The following RBM43 variants were observed in gnomAD, a reference collection of about 807,000 sequenced individuals.
RBM43 encodes RNA-binding protein 43.
RBM43 carries 12 observed loss-of-function variants against 12.4 expected under a neutral mutation model. The observed-to-expected ratio is 0.97, with a 90% CI of 0.62 to 1.57. The LOEUF (loss-of-function observed/expected upper bound fraction) is 1.57. RBM43 is among the 40% of genes most tolerant of loss of function. RBM43 has a pLI of 0.00. For synonymous variants in RBM43, 138 were observed against 145.7 expected (o/e 0.95, Z 0.38); for missense variants, 348 against 400.1 (o/e 0.87, Z 1.11).
chr2:151,260,989 T>C, intron 1 of RBM43: 1 of 391,878 alleles, frequency 2.6e-6, no homozygotes. Context: ...ACTGCATTTG[T>C]TTATATTGAT....
chr2:151,260,238 ACCTCAGCCT>A (rs1485352762), intron 1 of RBM43, among the ~76,000 whole-genome samples: 8 of 150,046 alleles, frequency 5.3e-5, no homozygotes, highest in African/African-American at 2.0e-4. Flanking sequence ...TGATCCTCCC[ACCTCAGCCT>A]CCCCAGTAGC....
chr2:151,261,752 C>T lies in RBM43; in HGVS notation c.-25G>A. ...TGGCGGAGGGGAGACGCGCCCTCAGCGGCCGCAGAAAGCCCACAACCAGCG... is the reference window on the plus strand; with the variant it reads ...TGGCGGAGGGGAGACGCGCCCTCAGTGGCCGCAGAAAGCCCACAACCAGCG... On this transcript the variant is annotated 5_prime_UTR_variant, in exon 1 of 4. Transcript: ENST00000331426. 6.2e-7 allele frequency: 1 copy of T among 1,600,712 alleles called. No homozygotes were observed.
At chr2:151,258,245 A>T (rs1683000081) in intron 1 of RBM43, among the ~76,000 whole-genome samples, 1 of 152,112 alleles carries the variant, frequency 6.6e-6, no homozygotes, top group African/African-American at 2.4e-5. Context: ...TTGACAGGGT[A>T]TTGGTAAAAC....
At chr2:151,252,952 G>T in intron 2 of RBM43, 97 bp from the exon 3 acceptor site, 2 of 555,126 alleles carry the variant, frequency 3.6e-6, no homozygotes, top group Non-Finnish European at 3.1e-6. Flanking sequence ...GAATGTCTAA[G>T]ATTTTTTTCT....
intron 3 of RBM43, 42 bp from the exon 4 acceptor site, chr2:151,251,706 G>A (rs1682906585): frequency 2.0e-6 from 3 of 1,535,978 alleles, no homozygotes; most frequent in Non-Finnish European, 2.6e-6. Context: ...ACTGCCTAGT[G>A]GGAAAGACTA....
At chr2:151,257,313 C>CACAA (rs1682987329) in intron 1 of RBM43, among the ~76,000 whole-genome samples, 1 of 60,134 alleles carries the variant, frequency 1.7e-5, no homozygotes, top group Admixed American at 2.8e-4. Flanking sequence ...CGTGCACAAA[C>CACAA]ACACACACAC....
In RBM43 at chr2:151,249,297, G is replaced by A. The variant is rs1304329338; in HGVS notation, c.*1609C>T. On this transcript the variant is annotated 3_prime_UTR_variant, in exon 4 of 4. Transcript: ENST00000331426. ...AGAAGAAAGAATTTCAATTCTAGGT[G>A]ATCTTTAGTATGTCCAACAAACAAA... 1 of 151,632 alleles carries A rather than the reference G, an allele frequency of 6.6e-6. No individual in the cohort carries two copies. The highest frequency in any genetic ancestry group is 1.5e-5 in the Non-Finnish European group (1 of 67,956). 9.4% of individuals were successfully genotyped at this position (151,632 alleles called of 1,614,324 possible).
At chr2:151,257,317 C>CACACACACACACAA (rs1384610256) in intron 1 of RBM43, among the ~76,000 whole-genome samples, 1 of 151,564 alleles carries the variant, frequency 6.6e-6, no homozygotes, top group Non-Finnish European at 1.5e-5. Context: ...CACAAACACA[C>CACACACACACACAA]ACACACACAC....
chr2:151,252,422 T>C (rs2105189604), intron 3 of RBM43, among the ~76,000 whole-genome samples: 1 of 152,000 alleles, frequency 6.6e-6, no homozygotes, highest in African/African-American at 2.4e-5. Context: ...ACTCGGGAGG[T>C]TGAGGCAGGA....
Position 151,251,378 on chromosome 2 carries a change from T to A in RBM43, c.602A>T (p.Asn201Ile). The change falls in exon 4 of 4, where the codon AAC becomes ATC. Residue 201 changes from asparagine to isoleucine, a missense_variant. Coordinates refer to ENST00000331426, the MANE Select transcript of RBM43 (RefSeq NM_198557.3). The stretch of plus-strand genomic sequence containing the variant: ...TAAGGTCCTGACTGATGCCAAAGAG[T>A]TATTACTTCTCTGTAGATTCCTCTG... ...NPQRNLQRSNNSLASVRTLVP... is the reference protein window; with the variant it reads ...NPQRNLQRSNISLASVRTLVP... 6.2e-7 allele frequency: 1 copy of A among 1,614,146 alleles called. No individual in the cohort carries two copies. The highest frequency in any genetic ancestry group is 8.5e-7 in the Non-Finnish European group (1 of 1,179,990).
At chr2:151,255,843 T>C (rs1023406020) in intron 1 of RBM43, 100 bp from the exon 2 acceptor site, 5 of 874,076 alleles carry the variant, frequency 5.7e-6, no homozygotes, top group Non-Finnish European at 9.0e-6. Flanking sequence ...TCTATAAAAG[T>C]GCCGGTGCAG....
intron 1 of RBM43, among the ~76,000 whole-genome samples, chr2:151,256,112 C>T (rs1682969942): frequency 1.3e-5 from 2 of 152,194 alleles, no homozygotes; most frequent in Admixed American, 6.5e-5. Flanking sequence ...CAGGTGCCCA[C>T]CACCACACCC....
Position 151,255,546 on chromosome 2 carries a change from G to A in RBM43, c.201C>T (p.Phe67=). The A allele has an allele frequency of 5.0e-6, 8 of 1,591,512 alleles. No homozygotes were observed. The highest frequency in any genetic ancestry group is 1.4e-5 in the African/African-American group (1 of 73,042). ...ACTTGGAAATACCTTTTTTTTCTTT[G>A]AATATTACATATGCAACTCCCTTGG... The part of the protein sequence containing the change: ...TRTKGVAYVI[F]KEKKVAENVI... The change falls in exon 2 of 4, where the codon TTC becomes TTT. Residue 67 remains phenylalanine, a synonymous_variant. Transcript: ENST00000331426.
At chr2:151,261,458 G>A in intron 1 of RBM43, 2 of 1,550,564 alleles carry the variant, frequency 1.3e-6, no homozygotes, top group Admixed American at 2.0e-5. Context: ...CTCTGGAGCG[G>A]GCCTATACTG....
rs1186641330 is a variant in RBM43, at chr2:151,261,100, A to G, written c.3+625T>C. The G allele has an allele frequency of 5.8e-6, 5 of 857,744 alleles. No homozygotes were observed. In the African/African-American group the frequency reaches 8.5e-5, roughly 15 times the overall value. The allele number at this position is 857,744 out of a possible 1,614,324, so 53.1% of individuals were successfully genotyped here. On this transcript the variant is annotated intron_variant, in intron 1 of 3. Transcript: ENST00000331426. ...TGCATTTCCGGGACTCTAGCATTTC[A>G]GAGCAGGAATTAAAGGCCTTGCCAA...
In RBM43 at chr2:151,261,839, T is replaced by C; in HGVS notation, c.-112A>G. ...TTTTGGTTTCGTTTTTTGTTCCAGCTCCCTTGGAGGCTACGAAGAAAAGGG... is the reference window on the plus strand; with the variant it reads ...TTTTGGTTTCGTTTTTTGTTCCAGCCCCCTTGGAGGCTACGAAGAAAAGGG... On this transcript the variant is annotated 5_prime_UTR_variant, in exon 1 of 4. Transcript: ENST00000331426. 8.0e-7 allele frequency: 1 copy of C among 1,253,646 alleles called. No homozygotes were observed. Among genetic ancestry groups the C allele is most frequent in the Non-Finnish European group, 1.1e-6 (1 of 897,078 alleles). The allele number at this position is 1,253,646 out of a possible 1,614,324, so 77.7% of individuals were successfully genotyped here.
In RBM43 at chr2:151,248,907, C is replaced by T. The variant is rs1344044732; in HGVS notation, c.*1999G>A. 2 of 152,140 alleles carry T rather than the reference C, an allele frequency of 1.3e-5. No individual in the cohort carries two copies. Among genetic ancestry groups the T allele is most frequent in the African/African-American group, 4.8e-5 (2 of 41,422 alleles). The allele number at this position is 152,140 out of a possible 1,614,324, so 9.4% of individuals were successfully genotyped here. Reference sequence around the variant, plus strand: ...CCTTCTCCAAAGAAAGGGAAAAATTCCCTCATCCAAGCCTCAAGGTCCAAA... The same window carrying T: ...CCTTCTCCAAAGAAAGGGAAAAATTTCCTCATCCAAGCCTCAAGGTCCAAA... On this transcript the variant is annotated 3_prime_UTR_variant, in exon 4 of 4. Transcript: ENST00000331426.
rs1682844693 is a variant in RBM43 at position 151,248,217 on chromosome 2, T to C, written c.*2689A>G. On this transcript the variant is annotated 3_prime_UTR_variant, in exon 4 of 4. Transcript: ENST00000331426. ...GAGTAGGACCAAAAGACAAGAGTGA[T>C]TTTTAACAAGGTTTATACAGTATTT... 1 of 152,162 alleles carries C rather than the reference T, an allele frequency of 6.6e-6. No individual in the cohort carries two copies. Among genetic ancestry groups the C allele is most frequent in the Admixed American group, 6.5e-5 (1 of 15,282 alleles). The allele number at this position is 152,162 out of a possible 1,614,324, so 9.4% of individuals were successfully genotyped here.
intron 1 of RBM43, chr2:151,261,323 GT>G (rs1053061298): frequency 1.2e-5 from 19 of 1,550,444 alleles, no homozygotes; most frequent in Non-Finnish European, 1.6e-5. Context: ...GGCCACTTTT[GT>G]TCCCCCCGAG....
Sources: gnomAD v4.1 joint callset for allele counts (sites outside exome capture counted in the v4.1 genomes callset) on GRCh38, gnomAD v4.1.1 for gene constraint, MANE v1.5 for transcripts, NCBI Gene and HGNC (gene_info 2026-07-23, HGNC 2026-07-21) for gene names.